PCDH15: variants seen among roughly 807,000 people sequenced by gnomAD.
PCDH15 encodes protocadherin related 15.
Under a neutral mutation model 178.5 loss-of-function variants are expected in PCDH15, and 129 were observed. The ratio of observed to expected loss-of-function variants is 0.72; its 90% confidence interval spans 0.63 to 0.84. The LOEUF (loss-of-function observed/expected upper bound fraction) is 0.84. Among genes scored for constraint, PCDH15 ranks in the 40% least tolerant of loss-of-function variants. The pLI, the probability that PCDH15 is intolerant of heterozygous loss-of-function variation, is 0.00. For synonymous variants in PCDH15, 800 were observed against 732.0 expected (o/e 1.09, Z -1.50); for missense variants, 2,230 against 2,099.9 (o/e 1.06, Z -1.21).
chr10:54,708,198 A>G (rs1305799348), intron 1 of PCDH15, among the ~76,000 whole-genome samples: 1 of 152,228 alleles, frequency 6.6e-6, no homozygotes, highest in Non-Finnish European at 1.5e-5. Flanking sequence ...CATATGGATA[A>G]TCACAATAGA....
chr10:55,102,335 G>C (rs1345179030), intron 2 of PCDH15, among the ~76,000 whole-genome samples: 2 of 151,990 alleles, frequency 1.3e-5, no homozygotes, highest in Admixed American at 1.3e-4. Flanking sequence ...GAGCCCATTA[G>C]AGAGGTCTCC....
chr10:55,583,487 G>A (rs999417960), intron 2 of PCDH15, among the ~76,000 whole-genome samples: 1 of 152,100 alleles, frequency 6.6e-6, no homozygotes, highest in African/African-American at 2.4e-5. Context: ...AGGCTGCAGT[G>A]CAGTGGCACG....
At chr10:55,450,393 A>G (rs1471189545) in intron 2 of PCDH15, among the ~76,000 whole-genome samples, 1 of 152,184 alleles carries the variant, frequency 6.6e-6, no homozygotes. Context: ...TTAAGACAAC[A>G]AGTAGAGCAA....
At chr10:54,855,675 A>T (rs1953728626) in intron 3 of PCDH15, among the ~76,000 whole-genome samples, 1 of 152,204 alleles carries the variant, frequency 6.6e-6, no homozygotes, top group South Asian at 2.1e-4. Context: ...GTAAGAGTTT[A>T]AAAAAGAATT....
intron 1 of PCDH15, among the ~76,000 whole-genome samples, chr10:55,173,001 AGATGAATG>A (rs1248158289): frequency 1.3e-5 from 2 of 152,050 alleles, no homozygotes; most frequent in Non-Finnish European, 2.9e-5. Flanking sequence ...CATATTGCAA[AGATGAATG>A]GCTGCTTATT....
chr10:54,383,810 T>C (rs1949564636), intron 3 of PCDH15, among the ~76,000 whole-genome samples: 1 of 151,350 alleles, frequency 6.6e-6, no homozygotes, highest in Non-Finnish European at 1.5e-5. Flanking sequence ...AAGAAACAAA[T>C]ATTGGTTATT....
At position 54,613,284 on chromosome 10, in the gene PCDH15, A is replaced by C. The variant is rs148033034; in HGVS notation, c.91+50888T>G. 5.5e-3 allele frequency among the ~76,000 whole-genome samples: 833 copies of C among 151,976 alleles called. 4 individuals carry two copies. The highest frequency in any genetic ancestry group is 8.1e-3 in the Non-Finnish European group (552 of 67,840). ...AAGAGAAAGAAACTTTATCACTCTC[A>C]AACAGCAAGGCTTAAAATTTGTAGA... On this transcript the variant is annotated intron_variant, in intron 2 of 37. Coordinates refer to ENST00000644397, the MANE Select transcript of PCDH15 (RefSeq NM_001384140.1).
chr10:55,516,195 T>TC (rs1169644261), intron 2 of PCDH15, among the ~76,000 whole-genome samples: 6 of 151,746 alleles, frequency 4.0e-5, no homozygotes, highest in Admixed American at 2.0e-4. Context: ...TGTGGACGGT[T>TC]CCCCCCCATA....
At chr10:55,177,050 A>G (rs1352966226) in intron 1 of PCDH15, among the ~76,000 whole-genome samples, 2 of 152,164 alleles carry the variant, frequency 1.3e-5, no homozygotes, top group African/African-American at 2.4e-5. Flanking sequence ...CTGACAGAAG[A>G]TGTAAGATCT....
At chr10:55,344,655 T>C (rs1159255784) in intron 2 of PCDH15, among the ~76,000 whole-genome samples, 1 of 151,978 alleles carries the variant, frequency 6.6e-6, no homozygotes, top group Non-Finnish European at 1.5e-5. Flanking sequence ...GGAAAAATAA[T>C]CAGAAGCTCA....
chr10:55,285,812 A>G lies in PCDH15; in HGVS notation c.-156+33787T>C, dbSNP rs78930124. 9.7e-3 allele frequency among the ~76,000 whole-genome samples: 1,478 copies of G among 152,042 alleles called. 23 individuals carry two copies. The highest frequency in any genetic ancestry group is 0.032 in the African/African-American group (1,347 of 41,528). ...GAAAATAAGACACAGTCATGACATT[A>G]AGATGGTTCTGGAATGGCAAGCTAT... On this transcript the variant is annotated intron_variant, in intron 1 of 5. Transcript: ENST00000458638.
At chr10:55,378,451 A>AAT (rs1565076063) in intron 2 of PCDH15, among the ~76,000 whole-genome samples, 1 of 152,124 alleles carries the variant, frequency 6.6e-6, no homozygotes, top group Non-Finnish European at 1.5e-5. Context: ...GTAAAATAGC[A>AAT]ATATATATCC....
chr10:54,243,298 A>G (rs887860358), intron 8 of PCDH15, among the ~76,000 whole-genome samples: 3 of 152,174 alleles, frequency 2.0e-5, no homozygotes, highest in African/African-American at 7.2e-5. Context: ...TCACGAGGTC[A>G]GGGATCGAGA....
intron 2 of PCDH15, among the ~76,000 whole-genome samples, chr10:54,634,196 T>C (rs921766772): frequency 6.7e-6 from 1 of 148,476 alleles, no homozygotes; most frequent in African/African-American, 2.4e-5. Context: ...TGCACTGCTT[T>C]CTATACTTGT....
chr10:55,552,945 C>T (rs572298541), intron 2 of PCDH15, among the ~76,000 whole-genome samples: 1 of 151,456 alleles, frequency 6.6e-6, no homozygotes, highest in Non-Finnish European at 1.5e-5. Context: ...AGAATTACAT[C>T]AGTCACTTTG....
chr10:54,209,852 C>T (rs1010093393), intron 10 of PCDH15, among the ~76,000 whole-genome samples: 30 of 152,040 alleles, frequency 2.0e-4, no homozygotes, highest in African/African-American at 6.8e-4. Flanking sequence ...TTTATCATTA[C>T]TCAAATAGTG....
At chr10:55,602,755 G>C (rs898724794) in intron 2 of PCDH15, among the ~76,000 whole-genome samples, 1 of 152,126 alleles carries the variant, frequency 6.6e-6, no homozygotes, top group African/African-American at 2.4e-5. Flanking sequence ...CATCATCAAA[G>C]ACCAAAAGTG....
chr10:54,081,868 C>T (rs1197274457), intron 16 of PCDH15, among the ~76,000 whole-genome samples: 3 of 152,002 alleles, frequency 2.0e-5, no homozygotes, highest in African/African-American at 4.8e-5. Flanking sequence ...GAGATGGTCT[C>T]GCCACAAAAC....
chr10:55,542,147 T>C (rs1179662221), intron 2 of PCDH15, among the ~76,000 whole-genome samples: 1 of 151,528 alleles, frequency 6.6e-6, no homozygotes, highest in Non-Finnish European at 1.5e-5. Flanking sequence ...TATATATGTC[T>C]ATATATGTCT....
Sources: allele counts gnomAD v4.1 joint callset (sites outside exome capture counted in the v4.1 genomes callset), GRCh38; gene constraint gnomAD v4.1.1; transcripts MANE v1.5; gene names NCBI Gene and HGNC (gene_info 2026-07-23, HGNC 2026-07-21).